IL7: variants seen among roughly 807,000 people sequenced by gnomAD.
The protein encoded by IL7 is interleukin-7.
IL7 carries 3 observed loss-of-function variants against 21.6 expected under a neutral mutation model. The observed-to-expected ratio is 0.14, with a 90% CI of 0.06 to 0.36. IL7 has a LOEUF of 0.36. Ranked by LOEUF, IL7 falls within the 10% of genes least tolerant of loss-of-function variation. The probability of loss-of-function intolerance (pLI) is 1.00; values close to 1 mark genes in which losing one functional copy is unlikely to be tolerated. For missense variants in IL7, 175 were observed against 200.2 expected (o/e 0.87, Z 0.76); for synonymous variants, 62 against 68.1 (o/e 0.91, Z 0.44).
At chr8:78,748,158 G>T (rs1374445832) in intron 2 of IL7, among the ~76,000 whole-genome samples, 1 of 152,186 alleles carries the variant, frequency 6.6e-6, no homozygotes, top group Non-Finnish European at 1.5e-5. Context: ...ATTTTAAGAA[G>T]TTTTGTATCA....
intron 2 of IL7, chr8:78,760,943 G>C: frequency 1.3e-6 from 2 of 1,557,360 alleles, no homozygotes; most frequent in South Asian, 1.2e-5. Flanking sequence ...TTTCCCAAAG[G>C]CTCTTGTAAA....
chr8:78,717,378 T>C, downstream of IL7: 2 of 1,613,878 alleles, frequency 1.2e-6, no homozygotes, highest in South Asian at 2.2e-5. Context: ...ATTAAAGGCA[T>C]TGAAGGACAT....
chr8:78,695,391 T>C (rs938365420), intron 3 of IL7, among the ~76,000 whole-genome samples: 1 of 152,200 alleles, frequency 6.6e-6, no homozygotes, highest in African/African-American at 2.4e-5. Flanking sequence ...TATGTAATGC[T>C]ACCAGGAACC....
At chr8:78,693,928 T>C (rs1467436205) in intron 3 of IL7, among the ~76,000 whole-genome samples, 7 of 152,196 alleles carry the variant, frequency 4.6e-5, no homozygotes, top group Non-Finnish European at 7.3e-5. Context: ...AAGGAAGGGA[T>C]CCAGTTTCAG....
chr8:78,734,620 G>T (rs1181190442), intron 5 of IL7, among the ~76,000 whole-genome samples: 1 of 152,054 alleles, frequency 6.6e-6, no homozygotes, highest in Non-Finnish European at 1.5e-5. Context: ...CCAGACTTCA[G>T]GGTTAAAATC....
rs1158316100 is a variant in IL7 at position 78,733,497 on chromosome 8, A to T, written c.*216T>A. 1 of 438,972 alleles carries T rather than the reference A, an allele frequency of 2.3e-6. No homozygotes were observed. The highest frequency in any genetic ancestry group is 2.1e-5 in the African/African-American group (1 of 47,896). 27.2% of individuals were successfully genotyped at this position (438,972 alleles called of 1,614,324 possible). On this transcript the variant is annotated 3_prime_UTR_variant, in exon 6 of 6. Transcript: ENST00000263851. Reference sequence around the variant, plus strand: ...TACTGATTGATAAATGTTCACATATATAAGAAATAGTTTGTTGACTGGAGC... The same window carrying T: ...TACTGATTGATAAATGTTCACATATTTAAGAAATAGTTTGTTGACTGGAGC...
intron 2 of IL7, among the ~76,000 whole-genome samples, chr8:78,751,153 G>A (rs1586069035): frequency 6.7e-6 from 1 of 149,926 alleles, no homozygotes. Context: ...AACTACAAAA[G>A]GAGTAGCATA....
intron 2 of IL7, among the ~76,000 whole-genome samples, chr8:78,786,080 CTGTGAAATACAGTTA>C (rs1813500622): frequency 6.6e-6 from 1 of 152,176 alleles, no homozygotes; most frequent in Non-Finnish European, 1.5e-5. Context: ...CATTGTGATA[CTGTGAAATACAGTTA>C]TGTGTCACTT....
chr8:78,785,416 T>A (rs1813476666), intron 2 of IL7, among the ~76,000 whole-genome samples: 1 of 152,202 alleles, frequency 6.6e-6, no homozygotes, highest in Non-Finnish European at 1.5e-5. Context: ...AACAAATCTA[T>A]TTCATATTTT....
intron 5 of IL7, among the ~76,000 whole-genome samples, chr8:78,735,306 T>G (rs1290945880): frequency 1.3e-4 from 15 of 119,434 alleles, no homozygotes; most frequent in African/African-American, 5.1e-4. Flanking sequence ...TTTTTTTTTT[T>G]GCTCTGTTTT....
chr8:78,760,664 T>C lies in IL7; in HGVS notation c.148-20582A>G. ...TTCTGAGAATATATCTTTAAGTTCCTGAATAATGTGCTCCACTGTTGGGAC... is the reference window on the plus strand; with the variant it reads ...TTCTGAGAATATATCTTTAAGTTCCCGAATAATGTGCTCCACTGTTGGGAC... On this transcript the variant is annotated intron_variant, in intron 2 of 5. Coordinates refer to ENST00000263851, the MANE Select transcript of IL7 (RefSeq NM_000880.4). The C allele has an allele frequency of 1.9e-6, 3 of 1,594,080 alleles. No homozygotes were observed. In the South Asian group the frequency reaches 3.3e-5, roughly 18 times the overall value.
intron 2 of IL7, among the ~76,000 whole-genome samples, chr8:78,750,207 G>A (rs1034277470): frequency 1.3e-5 from 2 of 151,882 alleles, no homozygotes; most frequent in Non-Finnish European, 2.9e-5. Context: ...CATGTTGGAA[G>A]GCTGCCCTGT....
chr8:78,717,417 A>T (rs1441638843), downstream of IL7: 4 of 1,613,448 alleles, frequency 2.5e-6, no homozygotes, highest in African/African-American at 1.3e-5. Flanking sequence ...AAATTCTGCC[A>T]TGAGTGTGGG....
At chr8:78,731,639 T>A (rs1811426126), downstream of IL7, among the ~76,000 whole-genome samples, 1 of 152,022 alleles carries the variant, frequency 6.6e-6, no homozygotes, top group Non-Finnish European at 1.5e-5. Context: ...AGAAAATGTT[T>A]ATTGAGATAA....
intron 2 of IL7, among the ~76,000 whole-genome samples, chr8:78,783,334 T>G (rs1351422430): frequency 6.6e-6 from 1 of 152,206 alleles, no homozygotes; most frequent in African/African-American, 2.4e-5. Flanking sequence ...CTGCCTCCCT[T>G]GGCTGGGGAT....
intron 3 of IL7, among the ~76,000 whole-genome samples, chr8:78,687,962 T>TTATATATAAATATATATAAATTATA (rs1810078652): frequency 6.9e-6 from 1 of 144,458 alleles, no homozygotes; most frequent in Non-Finnish European, 1.5e-5. Context: ...ATATCTATAT[T>TTATATATAAATATATATAAATTATA]TATATATAAA....
chr8:78,697,881 A>G (rs566164021), intron 3 of IL7, among the ~76,000 whole-genome samples: 1 of 152,000 alleles, frequency 6.6e-6, no homozygotes, highest in East Asian at 1.9e-4. Context: ...GGTTTCACCA[A>G]GTTAGCCAGG....
chr8:78,774,566 T>C (rs903874132), intron 2 of IL7, among the ~76,000 whole-genome samples: 1 of 152,094 alleles, frequency 6.6e-6, no homozygotes, highest in South Asian at 2.1e-4. Flanking sequence ...ATAGCCCAAG[T>C]AAAGCAATTC....
At chr8:78,801,171 T>G (rs1178128399) in intron 1 of IL7, among the ~76,000 whole-genome samples, 1 of 152,178 alleles carries the variant, frequency 6.6e-6, no homozygotes. Context: ...CCAGACAGAC[T>G]ATGGCAATAT....
Sources: gnomAD v4.1 joint callset for allele counts (sites outside exome capture counted in the v4.1 genomes callset) on GRCh38, gnomAD v4.1.1 for gene constraint, MANE v1.5 for transcripts, NCBI Gene and HGNC (gene_info 2026-07-23, HGNC 2026-07-21) for gene names.